Variants in RAPGEF1 observed in about 807,000 individuals in gnomAD.
RAPGEF1 encodes the protein CRK SH3-binding GNRP.
A neutral mutation model predicts 143.3 loss-of-function variants in RAPGEF1; 33 were observed. The ratio of observed to expected loss-of-function variants is 0.23; its 90% CI spans 0.17 to 0.31. RAPGEF1 has a LOEUF of 0.31. Among genes scored for constraint, RAPGEF1 ranks in the 10% least tolerant of loss-of-function variants. RAPGEF1 has a pLI of 1.00. For missense variants in RAPGEF1, 1,199 were observed against 1,645.4 expected (o/e 0.73, Z 4.69); for synonymous variants, 629 against 676.5 (o/e 0.93, Z 1.09).
intron 1 of RAPGEF1, among the ~76,000 whole-genome samples, chr9:131,721,423 T>C (rs1006666028): frequency 1.3e-5 from 2 of 152,078 alleles, no homozygotes; most frequent in Admixed American, 6.5e-5. Flanking sequence ...GAGAGGTGCA[T>C]TGACAAGCAA....
intron 1 of RAPGEF1, among the ~76,000 whole-genome samples, chr9:131,690,388 T>A (rs1042428327): frequency 2.0e-5 from 3 of 152,206 alleles, no homozygotes; most frequent in African/African-American, 7.2e-5. Flanking sequence ...TTGTGGAAGA[T>A]GAATCTTGTG....
rs1964476160 is a variant in RAPGEF1 at position 131,630,224 on chromosome 9, G to C, written c.740+12C>G. On this transcript the variant is annotated intron_variant, in intron 6 of 26. Transcript: ENST00000683357. ...CGTGACACCCGCGACACGAGGGTTAGTCAGCACCTACCCATCAGGCTTGCT... is the reference window on the plus strand; with the variant it reads ...CGTGACACCCGCGACACGAGGGTTACTCAGCACCTACCCATCAGGCTTGCT... 1 of 1,613,240 alleles carries C rather than the reference G, an allele frequency of 6.2e-7. No individual in the cohort carries two copies. The highest frequency in any genetic ancestry group is 8.5e-7 in the Non-Finnish European group (1 of 1,179,404).
rs1832092667 is a variant in RAPGEF1 at position 131,675,115 on chromosome 9, C to G, written c.62-24166G>C. Among the ~76,000 whole-genome samples the G allele has an allele frequency of 6.6e-6, 1 of 152,002 alleles. No homozygotes were observed. The highest frequency in any genetic ancestry group is 1.5e-5 in the Non-Finnish European group (1 of 67,998). On this transcript the variant is annotated intron_variant, in intron 1 of 26. Coordinates refer to ENST00000683357, the MANE Select transcript of RAPGEF1 (RefSeq NM_001377935.1). The surrounding 1 kb of genome is among the most constrained non-coding windows in gnomAD (Gnocchi z 4.6). ...GGGTGGTAGCAACTGTGCTTGCCAC[C>G]AAGAGGAAACTGGCTTAAAAAGAAG...
chr9:131,586,609 A>AACAC (rs756135700), intron 22 of RAPGEF1, among the ~76,000 whole-genome samples: 2 of 41,078 alleles, frequency 4.9e-5, no homozygotes, highest in South Asian at 7.4e-4. Flanking sequence ...CTCCGTCTCA[A>AACAC]ACACACACAC....
In RAPGEF1 at chr9:131,582,668, G is replaced by A; in HGVS notation, c.3449C>T (p.Ser1150Leu). ...LAEYCTLIDS[S>L]SSFRAYRAAL... ...GGCCCGGTAGGCTCGGAAGGAGGACGAGCTGTCGATCAGTGTGCAGTACTC... is the reference window on the plus strand; with the variant it reads ...GGCCCGGTAGGCTCGGAAGGAGGACAAGCTGTCGATCAGTGTGCAGTACTC... The change falls in exon 25 of 27, where the codon TCG (serine) becomes TTG (leucine). Residue 1150 changes from serine to leucine, a missense_variant. Ser to Leu is a moderately radical substitution (Grantham distance 145). Transcript: ENST00000683357. 6.5e-7 allele frequency: 1 copy of A among 1,544,460 alleles called. No individual in the cohort carries two copies.
chr9:131,582,992 G>C (rs912588715), intron 24 of RAPGEF1, among the ~76,000 whole-genome samples: 1 of 152,202 alleles, frequency 6.6e-6, no homozygotes, highest in African/African-American at 2.4e-5. Flanking sequence ...CAGCGCTTGT[G>C]TGTATACGAC....
intron 5 of RAPGEF1, among the ~76,000 whole-genome samples, chr9:131,631,072 C>T (rs932112243): frequency 6.6e-6 from 1 of 152,012 alleles, no homozygotes; most frequent in Admixed American, 6.6e-5. Context: ...CAATCTGCCC[C>T]GCCCCAACTG....
At position 131,621,925 on chromosome 9, in the gene RAPGEF1, G is replaced by A. The variant is rs969148645; in HGVS notation, c.1776C>T (p.Asn592=). The part of the protein sequence containing the change: ...QPSMFYQTPQ[N]EHIYQQKNKL... Reference sequence around the variant, plus strand: ...TGTTCTTCTGCTGGTAGATGTGCTCGTTCTGTGGCGTCTGGTAGAACATAG... The same window carrying A: ...TGTTCTTCTGCTGGTAGATGTGCTCATTCTGTGGCGTCTGGTAGAACATAG... Residue 592 remains asparagine, a synonymous_variant, in exon 11 of 27, where the codon AAC becomes AAT. Transcript: ENST00000683357. This position sits in a 1 kb window ranked among gnomAD's most constrained non-coding sequence, Gnocchi z 4.5. 2.5e-6 allele frequency: 4 copies of A among 1,613,674 alleles called. No individual in the cohort carries two copies. The highest frequency in any genetic ancestry group is 2.2e-5 in the East Asian group (1 of 44,888).
At chr9:131,585,849 T>C (rs1234654545) in intron 22 of RAPGEF1, among the ~76,000 whole-genome samples, 3 of 151,880 alleles carry the variant, frequency 2.0e-5, no homozygotes, top group African/African-American at 4.8e-5. Flanking sequence ...AGAGCTCTGG[T>C]TTATAAACAC....
chr9:131,721,800 A>C (rs1429108393), intron 1 of RAPGEF1, among the ~76,000 whole-genome samples: 1 of 152,224 alleles, frequency 6.6e-6, no homozygotes, highest in Non-Finnish European at 1.5e-5. Context: ...GCACCTATTT[A>C]TATAGCATTT....
Position 131,588,833 on chromosome 9 carries a change from G to C in RAPGEF1, c.3021C>G (p.Ser1007Arg). 3 of 1,613,716 alleles carry C rather than the reference G, an allele frequency of 1.9e-6. No individual in the cohort carries two copies. The highest frequency in any genetic ancestry group is 1.7e-6 in the Non-Finnish European group (2 of 1,179,756). ...CTACCCCCCGGGCTGCCAGGGGCTG[G>C]CTGGAGGTGGCACACCTGAGTAGCT... Reference protein sequence around the residue: ...QKKLLRCATSSQPLAARGVAA... With the variant: ...QKKLLRCATSRQPLAARGVAA... Residue 1007 changes from serine to arginine, a missense_variant, in exon 20 of 27, where the codon AGC becomes AGG. Around this residue, in one of 6 missense-constraint regions of RAPGEF1, gnomAD observed 209 missense variants for 403.0 expected, o/e 0.52. Transcript: ENST00000683357.
chr9:131,705,137 G>A (rs894942884), intron 1 of RAPGEF1, among the ~76,000 whole-genome samples: 2 of 152,162 alleles, frequency 1.3e-5, no homozygotes, highest in Admixed American at 1.3e-4. Context: ...AAAGACACCT[G>A]CTGGCACTGG....
intron 1 of RAPGEF1, among the ~76,000 whole-genome samples, chr9:131,669,112 T>C (rs1419880943): frequency 1.3e-5 from 2 of 152,200 alleles, no homozygotes; most frequent in Non-Finnish European, 2.9e-5. Flanking sequence ...TGGAGCCCCA[T>C]GGGCCTGCAG....
chr9:131,635,968 A>G (rs1015989251), intron 5 of RAPGEF1, among the ~76,000 whole-genome samples: 1 of 152,326 alleles, frequency 6.6e-6, no homozygotes, highest in South Asian at 2.1e-4. Context: ...CAGTGTCTCG[A>G]TCACTCTCAC....
chr9:131,700,901 G>A (rs1461903436), intron 1 of RAPGEF1, among the ~76,000 whole-genome samples: 3 of 152,044 alleles, frequency 2.0e-5, no homozygotes, highest in South Asian at 2.1e-4. Context: ...ACTTTAAATC[G>A]TTTTATGGGT....
At chr9:131,706,702 A>G (rs1265264138) in intron 1 of RAPGEF1, among the ~76,000 whole-genome samples, 2 of 152,230 alleles carry the variant, frequency 1.3e-5, no homozygotes, top group Non-Finnish European at 2.9e-5. Flanking sequence ...TCGGCTCTTC[A>G]GCAGGACACC....
chr9:131,650,236 T>C lies in RAPGEF1; in HGVS notation c.208A>G (p.Thr70Ala), dbSNP rs776221362. The C allele has an allele frequency of 1.2e-6, 2 of 1,611,092 alleles. No individual in the cohort carries two copies. The highest frequency in any genetic ancestry group is 1.7e-6 in the Non-Finnish European group (2 of 1,177,708). The change falls in exon 3 of 27, where the codon ACA (threonine) becomes GCA (alanine). Residue 70 changes from threonine (T) to alanine (A), a missense_variant. Thr to Ala is a moderately conservative substitution (Grantham distance 58, BLOSUM62 0). Transcript: ENST00000683357. The surrounding 1 kb of genome is among the most constrained non-coding windows in gnomAD (Gnocchi z 4.7). ...IPEKPVNKEA[T>A]DRFLPEGYPL... ...TAGCCCTCTGGTAGAAATCTGTCTG[T>C]TGCCTCCTGGAAGAGAGGAAACCTG...
At position 131,725,820 on chromosome 9, in the gene RAPGEF1, G is replaced by A. The variant is rs540629766; in HGVS notation, c.61+13950C>T. On this transcript the variant is annotated intron_variant, in intron 1 of 26. Transcript: ENST00000683357. ...GTCACCCAGGCTGGAGTGCAGTGGC[G>A]TGATCTCGGCTCACTGCAAGCTCCA... is the stretch of plus-strand genomic sequence containing the variant. 6.0e-5 allele frequency among the ~76,000 whole-genome samples: 9 copies of A among 149,034 alleles called. No individual in the cohort carries two copies. The South Asian group carries it at 6.4e-4, about 11-fold the overall frequency.
At chr9:131,659,453 A>G (rs531720823) in intron 1 of RAPGEF1, among the ~76,000 whole-genome samples, 1 of 152,324 alleles carries the variant, frequency 6.6e-6, no homozygotes, top group African/African-American at 2.4e-5. Context: ...TCCTGGGCTC[A>G]AGGGATCCTC....
Sources: allele counts gnomAD v4.1 joint callset (sites outside exome capture counted in the v4.1 genomes callset), GRCh38; gene constraint gnomAD v4.1.1; regional missense constraint gnomAD v4.1.1; non-coding constraint Gnocchi (gnomAD v3.1); transcripts MANE v1.5; gene names NCBI Gene and HGNC (gene_info 2026-07-23, HGNC 2026-07-21).